HEXA: variants seen among roughly 807,000 people sequenced by gnomAD.
HEXA encodes hexosaminidase subunit alpha, also known as beta-hexosaminidase subunit alpha.
In HEXA, 54 loss-of-function variants were observed where a neutral mutation model predicts 73.3. The ratio of observed to expected loss-of-function variants is 0.74; its 90% CI spans 0.59 to 0.92. The LOEUF (loss-of-function observed/expected upper bound fraction) is 0.92. Among genes scored for constraint, HEXA ranks in the 40% least tolerant of loss-of-function variants. The probability of loss-of-function intolerance (pLI) is 0.00; values close to 1 mark genes in which losing one functional copy is unlikely to be tolerated. For missense variants in HEXA, 649 were observed against 653.0 expected (o/e 0.99, Z 0.07); for synonymous variants, 230 against 246.9 (o/e 0.93, Z 0.64).
At chr15:72,345,787 T>G (rs8037749) in intron 12 of HEXA, 2 of 594,032 alleles carry the variant, frequency 3.4e-6, no homozygotes, top group East Asian at 2.9e-5. Flanking sequence ...CTCAAAGATA[T>G]GGGAATAAGA....
chr15:72,353,700 A>C lies in HEXA; in HGVS notation c.450T>G (p.Ala150=), dbSNP rs1195208193. The C allele has an allele frequency of 6.2e-7, 1 of 1,612,854 alleles. No homozygotes were observed. The highest frequency in any genetic ancestry group is 1.7e-5 in the Admixed American group (1 of 60,022). ...ETFSQLVWKS[A]EGTFFINKTE... Reference sequence around the variant, plus strand: ...GAGGGTCCACACTTACTGTGCCCTCAGCAGATTTCCAAACAAGCTGGCTAA... The same window carrying C: ...GAGGGTCCACACTTACTGTGCCCTCCGCAGATTTCCAAACAAGCTGGCTAA... Residue 150 remains alanine (A), a synonymous_variant, in exon 4 of 14, where the codon GCT becomes GCG. Transcript: ENST00000268097.
intron 13 of HEXA, 107 bp downstream of exon 13, chr15:72,345,339 C>T (rs2088595678): frequency 1.3e-6 from 2 of 1,553,812 alleles, no homozygotes; most frequent in Non-Finnish European, 1.7e-6. Context: ...GACTATAAGC[C>T]TCTGTAAGTG....
chr15:72,344,754 C>T (rs933109463), intron 13 of HEXA, among the ~76,000 whole-genome samples: 1 of 152,156 alleles, frequency 6.6e-6, no homozygotes, highest in African/African-American at 2.4e-5. Flanking sequence ...GACTCTCAGC[C>T]CAGGACTCTG....
At chr15:72,356,462 T>G in intron 2 of HEXA, 63 bp downstream of exon 2, 1 of 1,588,494 alleles carries the variant, frequency 6.3e-7, no homozygotes, top group South Asian at 1.1e-5. Flanking sequence ...GGCCAGGCCA[T>G]CCAGAGTTAC....
At chr15:72,373,232 C>A (rs141306324) in intron 1 of HEXA, among the ~76,000 whole-genome samples, 139 of 152,316 alleles carry the variant, frequency 9.1e-4, no homozygotes, top group African/African-American at 3.3e-3. Context: ...AAGATTTAAC[C>A]TGCATATGTT....
chr15:72,361,821 G>A (rs2088856084), intron 1 of HEXA, among the ~76,000 whole-genome samples: 1 of 152,036 alleles, frequency 6.6e-6, no homozygotes, highest in African/African-American at 2.4e-5. Context: ...TTAACACATC[G>A]CCATTTTCCC....
intron 1 of HEXA, among the ~76,000 whole-genome samples, chr15:72,374,962 C>T (rs1304952927): frequency 6.6e-6 from 1 of 152,192 alleles, no homozygotes; most frequent in African/African-American, 2.4e-5. Context: ...CTGGAATACC[C>T]TCTTTTCAGT....
chr15:72,356,011 T>C (rs1255871596), intron 2 of HEXA: 1 of 462,082 alleles, frequency 2.2e-6, no homozygotes, highest in Admixed American at 2.4e-5. Flanking sequence ...ATGCTCCCAA[T>C]GCCTTTGTAA....
rs544439263 is a variant in HEXA at position 72,371,609 on chromosome 15, A to G, written c.253+4111T>C. Among the ~76,000 whole-genome samples, 14 of 152,084 alleles carry G rather than the reference A, an allele frequency of 9.2e-5. No individual in the cohort carries two copies. In the South Asian group the frequency reaches 1.7e-3, roughly 18 times the overall value. On this transcript the variant is annotated intron_variant, in intron 1 of 13. Transcript: ENST00000268097. ...TCTAAAAGAAAAAAAAAAAAAAAAAAAAAAGAAAACAAAACCCAAACCCAT... is the reference window on the plus strand; with the variant it reads ...TCTAAAAGAAAAAAAAAAAAAAAAAGAAAAGAAAACAAAACCCAAACCCAT...
chr15:72,351,810 CTTTTTTTTTTTTTTT>C (rs71133985), intron 5 of HEXA: 2 of 62,354 alleles, frequency 3.2e-5, no homozygotes, highest in African/African-American at 1.1e-4. Context: ...CCAGGAAAGG[CTTTTTTTTTTTTTTT>C]TTTTTTTTTT....
At chr15:72,375,650 G>A (rs1293559215) in intron 1 of HEXA, 70 bp downstream of exon 1, 2 of 1,573,080 alleles carry the variant, frequency 1.3e-6, no homozygotes, top group Admixed American at 3.4e-5. Flanking sequence ...CGTCTCTGGA[G>A]CCCTGGGGGA....
In HEXA at chr15:72,375,724, G is replaced by A. The variant is rs1416793758; in HGVS notation, c.249C>T (p.Leu83=). The A allele has an allele frequency of 3.1e-6, 5 of 1,614,146 alleles. No homozygotes were observed. Among genetic ancestry groups the A allele is most frequent in the Non-Finnish European group, 4.2e-6 (5 of 1,180,008 alleles). Residue 83 remains leucine, a synonymous_variant, in exon 1 of 14, where the codon CTC becomes CTT. Transcript: ENST00000268097. ...GGCGGGACAAGTCCGACTCACCTGT[G>A]AGGTAAGGACGGGGCCAAGACCCGG... The part of the protein sequence containing the change: ...FGSGSWPRPY[L]TGKRHTLEKN...
chr15:72,375,315 C>T (rs2089047558), intron 1 of HEXA, among the ~76,000 whole-genome samples: 1 of 152,128 alleles, frequency 6.6e-6, no homozygotes, highest in Non-Finnish European at 1.5e-5. Context: ...GTCTCGAACT[C>T]CTGACCTCGT....
intron 7 of HEXA, among the ~76,000 whole-genome samples, chr15:72,349,469 G>C (rs1158643013): frequency 6.6e-6 from 1 of 152,172 alleles, no homozygotes; most frequent in Non-Finnish European, 1.5e-5. Flanking sequence ...CACAATCATA[G>C]GCAGAGGCTA....
At chr15:72,359,973 C>T (rs2088833144) in intron 1 of HEXA, 1 of 152,140 alleles carries the variant, frequency 6.6e-6, no homozygotes, top group Non-Finnish European at 1.5e-5. Context: ...ACTGTTGAAC[C>T]TTCTCCAGAC....
Position 72,345,481 on chromosome 15 carries a change from A to C in HEXA, c.1491T>G (p.Tyr497Ter). The C allele has an allele frequency of 6.2e-7, 1 of 1,614,242 alleles. No homozygotes were observed. Among genetic ancestry groups the C allele is most frequent in the Non-Finnish European group, 8.5e-7 (1 of 1,180,034 alleles). ...CACAGCGGAAGTGTGACAAACGTTCATAGGCAAATGTCAGGTCAGATGTCA... is the reference window on the plus strand; with the variant it reads ...CACAGCGGAAGTGTGACAAACGTTCCTAGGCAAATGTCAGGTCAGATGTCA... ...NKLTSDLTFA[Y>*]ERLSHFRCEL... Residue 497 changes from tyrosine to a stop codon, truncating the protein, a stop_gained, in exon 13 of 14, where the codon TAT (tyrosine) becomes TAG (stop). Coordinates refer to ENST00000268097, the MANE Select transcript of HEXA (RefSeq NM_000520.6). LOFTEE classifies it high-confidence loss of function.
chr15:72,348,026 C>T (rs747036890), intron 9 of HEXA, 22 bp downstream of exon 9: 1 of 1,559,458 alleles, frequency 6.4e-7, no homozygotes, highest in Non-Finnish European at 8.8e-7. Flanking sequence ...AGGGACCCCA[C>T]CCACCCTCCT....
intron 3 of HEXA, chr15:72,355,257 G>A: frequency 2.4e-6 from 1 of 411,824 alleles, no homozygotes; most frequent in Non-Finnish European, 4.6e-6. Flanking sequence ...TGGGCGCGGT[G>A]GCACACACCT....
At position 72,342,050 on chromosome 15, in the gene HEXA, T is replaced by C. The variant is rs1047817924; in HGVS notation, c.*2027A>G. The C allele has an allele frequency of 6.6e-6, 1 of 152,166 alleles. No individual in the cohort carries two copies. The highest frequency in any genetic ancestry group is 1.5e-5 in the Non-Finnish European group (1 of 68,020). The allele number at this position is 152,166 out of a possible 1,614,324, so 9.4% of individuals were successfully genotyped here. A position where few individuals can be genotyped will look rare whatever the true frequency, so the allele number is the denominator to read the frequency against. On this transcript the variant is annotated 3_prime_UTR_variant, in exon 14 of 14. Coordinates refer to ENST00000268097, the MANE Select transcript of HEXA (RefSeq NM_000520.6). ...CCAAGCAATAGTAACATGAAAGTTA[T>C]GACCAGGAGGGAAGCAGGGTCGCAC...
Sources: gnomAD v4.1 joint callset for allele counts (sites outside exome capture counted in the v4.1 genomes callset) on GRCh38, gnomAD v4.1.1 for gene constraint, MANE v1.5 for transcripts, NCBI Gene and HGNC (gene_info 2026-07-23, HGNC 2026-07-21) for gene names.